Variants in TXLNB observed in about 807,000 individuals in gnomAD.
TXLNB encodes taxilin beta.
A neutral mutation model predicts 57.4 loss-of-function variants in TXLNB; 37 were observed. The ratio of observed to expected loss-of-function variants is 0.64; its 90% CI spans 0.50 to 0.85. TXLNB has a LOEUF of 0.85. TXLNB is among the 40% of genes least tolerant of loss of function. The pLI is 0.00. For synonymous variants in TXLNB, 302 were observed against 309.6 expected (o/e 0.98, Z 0.26); for missense variants, 848 against 825.6 (o/e 1.03, Z -0.33).
chr6:139,279,880 A>C (rs1252324317), intron 2 of TXLNB, among the ~76,000 whole-genome samples: 1 of 152,242 alleles, frequency 6.6e-6, no homozygotes, highest in Admixed American at 6.5e-5. Flanking sequence ...AGTCTACATG[A>C]AAGTGGAACC....
At chr6:139,236,839 A>G (rs941644919), downstream of TXLNB, among the ~76,000 whole-genome samples, 2 of 152,104 alleles carry the variant, frequency 1.3e-5, no homozygotes, top group African/African-American at 4.8e-5. Context: ...GCTGAGCTCA[A>G]GTGATCCTCC....
At chr6:139,296,453 A>G (rs9321713), upstream of TXLNB, among the ~76,000 whole-genome samples, 109,720 of 152,048 alleles carry the variant, frequency 0.72, 40,082 homozygotes, top group East Asian at 0.88. Context: ...CTCTAGAACC[A>G]TTTGGCATCT....
At chr6:139,161,032 TGTGTGTGTGTG>T in the TXLNB span, among the ~76,000 whole-genome samples, 1 of 151,838 alleles carries the variant, frequency 6.6e-6, no homozygotes, top group African/African-American at 2.4e-5. Flanking sequence ...GTTTGGACAA[TGTGTGTGTGTG>T]GTGTGTGTGT....
the TXLNB span, among the ~76,000 whole-genome samples, chr6:139,225,770 C>T: frequency 6.6e-6 from 1 of 152,058 alleles, no homozygotes; most frequent in Non-Finnish European, 1.5e-5. Context: ...ACATTAAATT[C>T]AATCCCCATG....
rs1057101647 is a variant in TXLNB at position 139,260,481 on chromosome 6, G to A, written c.883-44C>T. Reference sequence around the variant, plus strand: ...ACATAGAAAGCTTGGTTTATTATTGGTGCTTAAAAATGCAAAGTAAAATAA... The same window carrying A: ...ACATAGAAAGCTTGGTTTATTATTGATGCTTAAAAATGCAAAGTAAAATAA... On this transcript the variant is annotated intron_variant, in intron 5 of 9. Coordinates refer to ENST00000358430, the MANE Select transcript of TXLNB (RefSeq NM_153235.4). The A allele has an allele frequency of 6.3e-6, 10 of 1,592,520 alleles. No homozygotes were observed. In the Admixed American group the frequency reaches 1.8e-4, roughly 29 times the overall value.
At chr6:139,207,854 T>C in the TXLNB span, among the ~76,000 whole-genome samples, 2 of 152,118 alleles carry the variant, frequency 1.3e-5, no homozygotes, top group African/African-American at 4.8e-5. Context: ...GGTGGGCAGA[T>C]TGCTTGAGGC....
At chr6:139,252,468 A>G (rs2114470735) in intron 7 of TXLNB, among the ~76,000 whole-genome samples, 1 of 152,324 alleles carries the variant, frequency 6.6e-6, no homozygotes, top group East Asian at 1.9e-4. Flanking sequence ...TTAAGTAATT[A>G]TTGGAATTTC....
At chr6:139,269,855 G>A (rs1431384836) in intron 4 of TXLNB, among the ~76,000 whole-genome samples, 1 of 152,174 alleles carries the variant, frequency 6.6e-6, no homozygotes, top group Non-Finnish European at 1.5e-5. Flanking sequence ...TAGGGCTTAC[G>A]CTGTAATTAA....
chr6:139,195,585 T>C, the TXLNB span, among the ~76,000 whole-genome samples: 1 of 152,182 alleles, frequency 6.6e-6, no homozygotes, highest in Non-Finnish European at 1.5e-5. Flanking sequence ...AGAAAAACCG[T>C]GACAGATTTA....
chr6:139,200,393 G>A, the TXLNB span, among the ~76,000 whole-genome samples: 1 of 152,194 alleles, frequency 6.6e-6, no homozygotes, highest in East Asian at 1.9e-4. Flanking sequence ...CCCATAGGGT[G>A]AGAGAAATAA....
At chr6:139,195,692 G>T in the TXLNB span, among the ~76,000 whole-genome samples, 1 of 152,146 alleles carries the variant, frequency 6.6e-6, no homozygotes, top group Non-Finnish European at 1.5e-5. Flanking sequence ...TAAACAAAGT[G>T]ATCAGAAATG....
intron 5 of TXLNB, among the ~76,000 whole-genome samples, chr6:139,261,035 G>A (rs1441937380): frequency 3.9e-5 from 6 of 152,072 alleles, no homozygotes; most frequent in Non-Finnish European, 5.9e-5. Context: ...AAATTGAGTC[G>A]CAAATGTGCA....
At chr6:139,222,755 C>T in the TXLNB span, among the ~76,000 whole-genome samples, 12 of 151,980 alleles carry the variant, frequency 7.9e-5, no homozygotes, top group African/African-American at 2.2e-4. Flanking sequence ...CGCAGTGAGC[C>T]GAGATTGCGC....
chr6:139,247,954 G>A (rs12210976), intron 7 of TXLNB, 45 bp from the exon 8 acceptor site: 4 of 1,143,014 alleles, frequency 3.5e-6, no homozygotes, highest in Non-Finnish European at 5.1e-6. Context: ...ACTTCCAGAA[G>A]AAAACATGTC....
At chr6:139,237,417 A>G (rs1296801707), downstream of TXLNB, 1 of 151,904 alleles carries the variant, frequency 6.6e-6, no homozygotes, top group Non-Finnish European at 1.5e-5. Context: ...AGGCAGGAGA[A>G]TCGCTTGAAC....
At chr6:139,317,010 G>A in the TXLNB span, among the ~76,000 whole-genome samples, 23 of 152,152 alleles carry the variant, frequency 1.5e-4, no homozygotes, top group Admixed American at 8.5e-4. Flanking sequence ...TTTTTCCCTC[G>A]GGGAATCTGA....
chr6:139,245,101 C>T (rs990813858), intron 8 of TXLNB, among the ~76,000 whole-genome samples: 5 of 152,222 alleles, frequency 3.3e-5, no homozygotes, highest in Admixed American at 2.6e-4. Context: ...TATCTGGGCA[C>T]ATCTGAGAAG....
the TXLNB span, among the ~76,000 whole-genome samples, chr6:139,319,246 C>T: frequency 6.7e-6 from 1 of 149,916 alleles, no homozygotes. Context: ...CAGCCAATGT[C>T]TTTCTCCCTT....
In TXLNB at chr6:139,247,753, C is replaced by G. The variant is rs143150867; in HGVS notation, c.1170+64G>C. The G allele has an allele frequency of 1.2e-3, 1,431 of 1,210,358 alleles. 1 individual carries two copies. Among genetic ancestry groups the G allele is most frequent in the Non-Finnish European group, 1.6e-3 (1,345 of 845,146 alleles). 75.0% of individuals were successfully genotyped at this position (1,210,358 alleles called of 1,614,324 possible). A position where few individuals can be genotyped will look rare whatever the true frequency, so the allele number is the denominator to read the frequency against. On this transcript the variant is annotated intron_variant, in intron 8 of 9. Coordinates refer to ENST00000358430, the MANE Select transcript of TXLNB (RefSeq NM_153235.4). Reference sequence around the variant, plus strand: ...TATCTTAGTGAGAGAAAAAGGAAACCAAAGGAAATTTGCCTGTCAAAATAG... The same window carrying G: ...TATCTTAGTGAGAGAAAAAGGAAACGAAAGGAAATTTGCCTGTCAAAATAG...
Sources: gnomAD v4.1 joint callset for allele counts (sites outside exome capture counted in the v4.1 genomes callset) on GRCh38, gnomAD v4.1.1 for gene constraint, MANE v1.5 for transcripts, NCBI Gene and HGNC (gene_info 2026-07-23, HGNC 2026-07-21) for gene names.